ATP13A1: variants seen among roughly 807,000 people sequenced by gnomAD.
The protein encoded by ATP13A1 is endoplasmic reticulum transmembrane helix translocase.
Under a neutral mutation model 134.8 loss-of-function variants are expected in ATP13A1, and 55 were observed. The ratio of observed to expected loss-of-function variants is 0.41; its 90% CI spans 0.33 to 0.51. ATP13A1 has a LOEUF of 0.51. ATP13A1 is among the 20% of genes least tolerant of loss of function. The pLI, the probability that ATP13A1 is intolerant of heterozygous loss-of-function variation, is 0.29. For synonymous variants in ATP13A1, 775 were observed against 725.1 expected, an observed-to-expected ratio of 1.07 and a Z score of -1.10; for missense variants, 1,389 against 1,652.8, an observed-to-expected ratio of 0.84 and a Z score of 2.77.
At chr19:19,660,303 G>A (rs995372913) in intron 1 of ATP13A1, among the ~76,000 whole-genome samples, 17 of 151,596 alleles carry the variant, frequency 1.1e-4, no homozygotes, top group Non-Finnish European at 2.4e-4. Flanking sequence ...CCAATGTGGC[G>A]AAACCCTGTC....
intron 22 of ATP13A1, chr19:19,646,658 A>C (rs2061988143): frequency 4.7e-6 from 2 of 428,742 alleles, no homozygotes; most frequent in Admixed American, 3.6e-5. Flanking sequence ...CGCCCAGCCA[A>C]TCTCCCACCC....
chr19:19,655,549 C>T lies in ATP13A1; in HGVS notation c.1375G>A (p.Ala459Thr), dbSNP rs754474432. The T allele has an allele frequency of 4.3e-6, 7 of 1,613,876 alleles. No individual in the cohort carries two copies. In the African/African-American group the frequency reaches 6.7e-5, roughly 15 times the overall value. ...TTACCTTCAATCCATACATAGGCAG[C>T]TGCAGCGATGGCAAACACCAGGAGG... ...LFLLVFAIAA[A>T]AYVWIEGTKD... Residue 459 changes from alanine to threonine, a missense_variant, in exon 10 of 26, where the codon GCT (alanine) becomes ACT (threonine). Physicochemically the swap from Ala to Thr is moderately conservative, Grantham distance 58. Around this residue, in one of 4 missense-constraint regions of ATP13A1, gnomAD observed 747 missense variants for 956.1 expected, o/e 0.78. Transcript: ENST00000357324. The surrounding 1 kb of genome is among the most constrained non-coding windows in gnomAD (Gnocchi z 5.7).
intron 23 of ATP13A1, 60 bp from the exon 24 acceptor site, chr19:19,646,045 G>GTGA: frequency 1.2e-6 from 2 of 1,600,316 alleles, no homozygotes; most frequent in Non-Finnish European, 1.7e-6. Flanking sequence ...CACACTGTGT[G>GTGA]GCTTCCTGCT....
In ATP13A1 at chr19:19,656,541, T is replaced by A; in HGVS notation, c.1083+119A>T. On this transcript the variant is annotated intron_variant, in intron 7 of 25. Coordinates refer to ENST00000357324, the MANE Select transcript of ATP13A1 (RefSeq NM_020410.3). The surrounding 1 kb of genome is among the most constrained non-coding windows in gnomAD (Gnocchi z 4.6). ...GGCTCCCCAGTCCACAGAGCTCATC[T>A]GTGCCCACACTGCCTCCTCCGCCTG... 8.9e-7 allele frequency: 1 copy of A among 1,118,492 alleles called. No individual in the cohort carries two copies. The highest frequency in any genetic ancestry group is 1.5e-5 in the South Asian group (1 of 67,842). 69.3% of individuals were successfully genotyped at this position (1,118,492 alleles called of 1,614,324 possible).
intron 19 of ATP13A1, among the ~76,000 whole-genome samples, chr19:19,648,686 G>A (rs963931168): frequency 1.3e-5 from 2 of 149,182 alleles, no homozygotes; most frequent in African/African-American, 4.9e-5. Context: ...GCTGGCGCCT[G>A]TAATCCTAGC....
chr19:19,654,244 C>T, intron 13 of ATP13A1, 100 bp from the exon 14 acceptor site: 2 of 1,278,878 alleles, frequency 1.6e-6, no homozygotes, highest in Non-Finnish European at 2.1e-6. Context: ...TCCTGCCTCC[C>T]CCAGGGCCTG....
chr19:19,663,116 T>C, intron 1 of ATP13A1, 155 bp downstream of exon 1: 1 of 1,145,832 alleles, frequency 8.7e-7, no homozygotes, highest in South Asian at 1.3e-5. Context: ...GGGGTCATGA[T>C]TAAGCCTGCG....
In ATP13A1 at chr19:19,656,080, G is replaced by T. The variant is rs761044038; in HGVS notation, c.1187C>A (p.Pro396Gln). Reference protein sequence around the residue: ...GGTKVVQHIPPQKATTGLKPV... With the variant: ...GGTKVVQHIPQQKATTGLKPV... ...CTTCAGGCCCGTGGTGGCTTTCTGT[G>T]GGGGGATGTGCTGCACCACCTTGGT... is the stretch of plus-strand genomic sequence containing the variant. The change falls in exon 8 of 26, where the codon CCA becomes CAA. Residue 396 changes from proline (P) to glutamine (Q), a missense_variant. Coordinates refer to ENST00000357324, the MANE Select transcript of ATP13A1 (RefSeq NM_020410.3). The surrounding 1 kb of genome is among the most constrained non-coding windows in gnomAD (Gnocchi z 4.6). The T allele has an allele frequency of 6.2e-7, 1 of 1,613,544 alleles. No homozygotes were observed.
chr19:19,656,188 G>A lies in ATP13A1; in HGVS notation c.1084-5C>T, dbSNP rs750442628. 3 of 1,597,202 alleles carry A rather than the reference G, an allele frequency of 1.9e-6. No homozygotes were observed. Among genetic ancestry groups the A allele is most frequent in the Admixed American group, 3.4e-5 (2 of 58,100 alleles). On this transcript the variant is annotated splice_region_variant and splice_polypyrimidine_tract_variant and intron_variant, in intron 7 of 25. Transcript: ENST00000357324. This position sits in a 1 kb window ranked among gnomAD's most constrained non-coding sequence, Gnocchi z 4.6. ...GCTGAGGTCTTCGATGGGCTCCTGG[G>A]GAGGAAGATCGTGAATCTGGATGGC...
chr19:19,653,895 C>G lies in ATP13A1; in HGVS notation c.1990-1G>C. 6.4e-7 allele frequency: 1 copy of G among 1,568,394 alleles called. No individual in the cohort carries two copies. Among genetic ancestry groups the G allele is most frequent in the Non-Finnish European group, 8.6e-7 (1 of 1,157,336 alleles). On this transcript the variant is annotated splice_acceptor_variant, in intron 14 of 25. Transcript: ENST00000357324. LOFTEE classifies it high-confidence loss of function. The surrounding 1 kb of genome is among the most constrained non-coding windows in gnomAD (Gnocchi z 4.2). ...GGTAGTCGGGCGGGCACTGGGAGAA[C>G]TGCAGGGAATGCAGGGGGATGTCAC...
chr19:19,662,127 GAAGTT>G (rs771083718), intron 1 of ATP13A1: 2 of 1,562,740 alleles, frequency 1.3e-6, no homozygotes, highest in Non-Finnish European at 1.7e-6. Flanking sequence ...CCCTGGAGAG[GAAGTT>G]AAGAGCTAAG....
intron 17 of ATP13A1, chr19:19,650,749 G>A (rs2062018819): frequency 6.6e-6 from 1 of 152,576 alleles, no homozygotes; most frequent in Non-Finnish European, 1.5e-5. Flanking sequence ...GGTTCCGGAA[G>A]CTGCTCTGGC....
At chr19:19,649,204 C>G (rs1337271849) in intron 19 of ATP13A1, among the ~76,000 whole-genome samples, 1 of 152,104 alleles carries the variant, frequency 6.6e-6, no homozygotes, top group Non-Finnish European at 1.5e-5. Context: ...CTCAAGTGAT[C>G]CTCCCGCCTC....
At position 19,656,863 on chromosome 19, in the gene ATP13A1, C is replaced by G. The variant is rs779410447; in HGVS notation, c.960G>C (p.Gly320=). Residue 320 remains glycine (G), a synonymous_variant, in exon 6 of 26, where the codon GGG becomes GGC. Transcript: ENST00000357324. This position sits in a 1 kb window ranked among gnomAD's most constrained non-coding sequence, Gnocchi z 4.6. ...CGGCCTCACCGATGGAGACGATGTCCCCTGGTACGATCTCATCACTGGCAA... is the reference window on the plus strand; with the variant it reads ...CGGCCTCACCGATGGAGACGATGTCGCCTGGTACGATCTCATCACTGGCAA... ...RPIASDEIVP[G]DIVSIGRSPQ... 1 of 1,612,558 alleles carries G rather than the reference C, an allele frequency of 6.2e-7. No homozygotes were observed. Among genetic ancestry groups the G allele is most frequent in the Non-Finnish European group, 8.5e-7 (1 of 1,179,426 alleles).
chr19:19,663,313 C>T lies in ATP13A1; in HGVS notation c.354G>A (p.Gly118=). ...CLAHALTVLS[G]HWSVHAHCAL... is the part of the protein sequence containing the mutation. ...CGCAATGCGCGTGCACAGACCAATGCCCCGAGAGGACAGTGAGCGCGTGCG... is the reference window on the plus strand; with the variant it reads ...CGCAATGCGCGTGCACAGACCAATGTCCCGAGAGGACAGTGAGCGCGTGCG... The change falls in exon 1 of 26, where the codon GGG becomes GGA. Residue 118 remains glycine, a synonymous_variant. Transcript: ENST00000357324. 6.3e-7 allele frequency: 1 copy of T among 1,590,598 alleles called. No individual in the cohort carries two copies. The highest frequency in any genetic ancestry group is 2.3e-5 in the East Asian group (1 of 43,318).
intron 3 of ATP13A1, among the ~76,000 whole-genome samples, chr19:19,657,636 C>T (rs997427301): frequency 5.9e-5 from 9 of 152,218 alleles, no homozygotes; most frequent in Non-Finnish European, 1.0e-4. Context: ...CCACAGCCCT[C>T]GGCTCTGCAT....
intron 19 of ATP13A1, among the ~76,000 whole-genome samples, chr19:19,648,432 A>T (rs2062000558): frequency 6.6e-6 from 1 of 151,786 alleles, no homozygotes; most frequent in South Asian, 2.1e-4. Context: ...GCAGATAAAT[A>T]TTGGAAAAGC....
intron 22 of ATP13A1, chr19:19,646,705 C>G (rs559827387): frequency 6.3e-4 from 249 of 396,932 alleles, no homozygotes; most frequent in Middle Eastern, 2.2e-3. Context: ...TCAGCCCATG[C>G]CTGTTTGGGG....
Position 19,649,857 on chromosome 19 carries a change from A to G in ATP13A1, c.2419T>C (p.Tyr807His). Residue 807 changes from tyrosine to histidine, a missense_variant, in exon 18 of 26, where the codon TAC becomes CAC. Physicochemically the swap from Tyr to His is moderately conservative, Grantham distance 83. Around this residue, in one of 4 missense-constraint regions of ATP13A1, gnomAD observed 747 missense variants for 956.1 expected, o/e 0.78. Transcript: ENST00000357324. ...CCGTCGCCTGTGAGGCACAGTGCGT[A>G]CTCCAGGGCCAGTGCCTTTGGGGAG... ...RGSPKALALEYALCLTGDGLA... is the reference protein window; with the variant it reads ...RGSPKALALEHALCLTGDGLA... The G allele has an allele frequency of 1.9e-6, 3 of 1,603,536 alleles. No homozygotes were observed. The highest frequency in any genetic ancestry group is 1.3e-5 in the African/African-American group (1 of 74,896).
Sources: allele counts gnomAD v4.1 joint callset (sites outside exome capture counted in the v4.1 genomes callset), GRCh38; gene constraint gnomAD v4.1.1; regional missense constraint gnomAD v4.1.1; non-coding constraint Gnocchi (gnomAD v3.1); transcripts MANE v1.5; gene names NCBI Gene and HGNC (gene_info 2026-07-23, HGNC 2026-07-21).